CSTPP1: variants seen among roughly 807,000 people sequenced by gnomAD.
CSTPP1 encodes UPF0705 protein C11orf49.
chr11:47,009,726 G>T, the CSTPP1 span, among the ~76,000 whole-genome samples: 1 of 152,048 alleles, frequency 6.6e-6, no homozygotes, highest in Non-Finnish European at 1.5e-5. Context: ...GAACCTGGGA[G>T]GCAGAGGTTG....
At chr11:47,077,605 G>T in the CSTPP1 span, among the ~76,000 whole-genome samples, 1 of 152,156 alleles carries the variant, frequency 6.6e-6, no homozygotes, top group African/African-American at 2.4e-5. Context: ...GTGAGAATAA[G>T]TTTAGGAAGA....
chr11:47,106,566 C>T, the CSTPP1 span, among the ~76,000 whole-genome samples: 1 of 151,894 alleles, frequency 6.6e-6, no homozygotes, highest in Middle Eastern at 3.2e-3. Context: ...TTGCTTGAAC[C>T]CAGGAGGGAG....
At chr11:47,149,731 G>A in the CSTPP1 span, among the ~76,000 whole-genome samples, 1 of 152,110 alleles carries the variant, frequency 6.6e-6, no homozygotes, top group East Asian at 1.9e-4. Context: ...GCACCTTTCA[G>A]TAAGTCTTCT....
the CSTPP1 span, among the ~76,000 whole-genome samples, chr11:46,979,136 T>A: frequency 3.3e-5 from 5 of 152,194 alleles, no homozygotes; most frequent in Non-Finnish European, 5.9e-5. Flanking sequence ...TTCTTTTTTT[T>A]AAAGAGACAG....
At chr11:47,135,240 A>C in the CSTPP1 span, among the ~76,000 whole-genome samples, 6 of 152,192 alleles carry the variant, frequency 3.9e-5, no homozygotes, top group Non-Finnish European at 7.3e-5. Flanking sequence ...GATGTTACTA[A>C]GTTCTAGACA....
At chr11:47,163,174 A>T in the CSTPP1 span, among the ~76,000 whole-genome samples, 3 of 72,466 alleles carry the variant, frequency 4.1e-5, no homozygotes, top group Non-Finnish European at 5.9e-5. Context: ...AGACCATCTT[A>T]AAAAAAAAAA....
the CSTPP1 span, chr11:47,164,338 C>A: frequency 2.9e-6 from 4 of 1,385,346 alleles, no homozygotes; most frequent in Admixed American, 1.1e-4. Context: ...CCTGCAGGGG[C>A]TTTATTTTGA....
the CSTPP1 span, among the ~76,000 whole-genome samples, chr11:46,976,437 C>T: frequency 6.6e-6 from 1 of 151,834 alleles, no homozygotes; most frequent in Admixed American, 6.6e-5. Context: ...CACACACACA[C>T]ACAATGAGAG....
the CSTPP1 span, among the ~76,000 whole-genome samples, chr11:46,969,573 T>C: frequency 6.6e-6 from 1 of 152,198 alleles, no homozygotes; most frequent in Non-Finnish European, 1.5e-5. Context: ...GTAGTGGCAC[T>C]ATTCATAATA....
At chr11:46,998,898 C>T in the CSTPP1 span, among the ~76,000 whole-genome samples, 1 of 151,992 alleles carries the variant, frequency 6.6e-6, no homozygotes, top group South Asian at 2.1e-4. Flanking sequence ...ACATGCCCGG[C>T]TAATTTTTGT....
the CSTPP1 span, among the ~76,000 whole-genome samples, chr11:47,058,098 C>T: frequency 6.6e-6 from 1 of 152,140 alleles, no homozygotes; most frequent in East Asian, 1.9e-4. Flanking sequence ...CTTTGGGAGG[C>T]CAAGGCAAGT....
the CSTPP1 span, chr11:46,987,654 T>C: frequency 5.1e-6 from 1 of 196,716 alleles, no homozygotes; most frequent in Non-Finnish European, 1.1e-5. Context: ...CTGTTTTTTT[T>C]CATGGCTGGC....
the CSTPP1 span, among the ~76,000 whole-genome samples, chr11:46,994,680 G>A: frequency 2.0e-5 from 3 of 152,194 alleles, no homozygotes; most frequent in Non-Finnish European, 2.9e-5. Flanking sequence ...CGGTTTGCCA[G>A]TATTTTATTG....
the CSTPP1 span, among the ~76,000 whole-genome samples, chr11:46,966,228 A>C: frequency 6.6e-6 from 1 of 152,062 alleles, no homozygotes; most frequent in African/African-American, 2.4e-5. Flanking sequence ...TTTTTAGTAG[A>C]GACGGGGTTT....
At chr11:47,065,591 T>C in the CSTPP1 span, among the ~76,000 whole-genome samples, 1 of 152,122 alleles carries the variant, frequency 6.6e-6, no homozygotes, top group Non-Finnish European at 1.5e-5. Context: ...TTCAGCGATG[T>C]TTTGTAGTTT....
At chr11:47,079,485 GATTA>G in the CSTPP1 span, among the ~76,000 whole-genome samples, 1 of 152,206 alleles carries the variant, frequency 6.6e-6, no homozygotes, top group South Asian at 2.1e-4. Flanking sequence ...CTGCATACTT[GATTA>G]ATTCTTTTTT....
At chr11:47,078,473 T>C in the CSTPP1 span, among the ~76,000 whole-genome samples, 3 of 152,138 alleles carry the variant, frequency 2.0e-5, no homozygotes, top group African/African-American at 7.2e-5. Context: ...AAGACACCAC[T>C]TAGACATGTG....
the CSTPP1 span, among the ~76,000 whole-genome samples, chr11:46,950,343 T>G: frequency 2.0e-5 from 3 of 151,322 alleles, no homozygotes; most frequent in Non-Finnish European, 4.4e-5. Context: ...CCAGCTAATT[T>G]TTTGTATTTT....
chr11:47,015,075 T>C, the CSTPP1 span, among the ~76,000 whole-genome samples: 1 of 152,236 alleles, frequency 6.6e-6, no homozygotes, highest in South Asian at 2.1e-4. Flanking sequence ...TAAGGAAATA[T>C]TATCAATTTT....
Sources: allele counts gnomAD v4.1 joint callset (sites outside exome capture counted in the v4.1 genomes callset), GRCh38; gene constraint gnomAD v4.1.1; transcripts MANE v1.5; gene names NCBI Gene and HGNC (gene_info 2026-07-23, HGNC 2026-07-21).